MPDZ: variants seen among roughly 807,000 people sequenced by gnomAD.
MPDZ encodes multiple PDZ domain protein.
MPDZ carries 234 observed loss-of-function variants against 239.1 expected under a neutral mutation model. The observed-to-expected ratio is 0.98, with a 90% CI of 0.88 to 1.09. The LOEUF (loss-of-function observed/expected upper bound fraction) is 1.09. MPDZ is among the 50% of genes least tolerant of loss of function. MPDZ has a pLI of 0.00. For synonymous variants in MPDZ, 1,048 were observed against 881.3 expected, an observed-to-expected ratio of 1.19 and a Z score of -3.35; for missense variants, 3,175 against 2,510.0, an observed-to-expected ratio of 1.26 and a Z score of -5.66.
intron 27 of MPDZ, 37 bp downstream of exon 27, chr9:13,143,429 A>G (rs1947989123): frequency 6.7e-7 from 1 of 1,491,580 alleles, no homozygotes; most frequent in African/African-American, 1.4e-5. Context: ...ACATTTGCAA[A>G]AGGCAACCAA....
chr9:13,153,806 AAAAAT>A (rs1349970219), intron 24 of MPDZ, among the ~76,000 whole-genome samples: 1 of 152,126 alleles, frequency 6.6e-6, no homozygotes, highest in African/African-American at 2.4e-5. Flanking sequence ...CTTAAGAATA[AAAAAT>A]AAAATAAAAT....
At chr9:13,179,553 C>A (rs943220969) in intron 19 of MPDZ, among the ~76,000 whole-genome samples, 3 of 151,994 alleles carry the variant, frequency 2.0e-5, no homozygotes, top group Non-Finnish European at 4.4e-5. Context: ...GCTCAACAAC[C>A]AACTCAGTTT....
intron 34 of MPDZ, among the ~76,000 whole-genome samples, chr9:13,125,689 T>C (rs1945006757): frequency 6.6e-6 from 1 of 152,208 alleles, no homozygotes; most frequent in Non-Finnish European, 1.5e-5. Context: ...CTCATCCGTT[T>C]TTCTGAATGC....
chr9:13,205,257 T>G, intron 11 of MPDZ, 150 bp from the exon 12 acceptor site: 1 of 451,104 alleles, frequency 2.2e-6, no homozygotes, highest in Non-Finnish European at 3.8e-6. Context: ...TAAAGGCAAG[T>G]TCTGTTAGTG....
At chr9:13,175,728 A>T (rs748915150) in intron 21 of MPDZ, 24 bp downstream of exon 21, 6 of 1,559,208 alleles carry the variant, frequency 3.8e-6, no homozygotes, top group Non-Finnish European at 5.2e-6. Context: ...AGGAGTAGGT[A>T]TATGAGGAAA....
In MPDZ at chr9:13,221,366, G is replaced by A. The variant is rs1351177796; in HGVS notation, c.876+6C>T. On this transcript the variant is annotated splice_donor_region_variant and intron_variant, in intron 7 of 46. Transcript: ENST00000319217. Reference sequence around the variant, plus strand: ...ATAGCATAAAAGATCTATTGATGTAGCCTACCTGATCAGCTACTCCTCCAG... The same window carrying A: ...ATAGCATAAAAGATCTATTGATGTAACCTACCTGATCAGCTACTCCTCCAG... The A allele has an allele frequency of 6.2e-7, 1 of 1,604,022 alleles. No homozygotes were observed.
chr9:13,240,380 T>C (rs1965090352), intron 3 of MPDZ, among the ~76,000 whole-genome samples: 1 of 151,754 alleles, frequency 6.6e-6, no homozygotes. Context: ...AAGTACTGGT[T>C]TACGTTAAAA....
At chr9:13,187,778 C>T (rs1222896843) in intron 17 of MPDZ, among the ~76,000 whole-genome samples, 1 of 152,192 alleles carries the variant, frequency 6.6e-6, no homozygotes, top group African/African-American at 2.4e-5. Flanking sequence ...AAACTATATT[C>T]ACGTACTGGA....
intron 1 of MPDZ, among the ~76,000 whole-genome samples, chr9:13,276,421 A>C (rs780065321): frequency 6.8e-4 from 103 of 152,208 alleles, no homozygotes; most frequent in Non-Finnish European, 9.6e-4. Context: ...TATGCATGAC[A>C]CTAATTTACA....
rs116344553 is a variant in MPDZ at position 13,233,787 on chromosome 9, C to T, written c.184-9204G>A. Among the ~76,000 whole-genome samples, 629 of 152,202 alleles carry T rather than the reference C, an allele frequency of 4.1e-3. 4 individuals are homozygous for T. The highest frequency in any genetic ancestry group is 0.015 in the African/African-American group (610 of 41,548). The stretch of plus-strand genomic sequence containing the variant: ...TACATAAAGCTACACCTTGTCTATC[C>T]GCAACTATGAATTTAAAGTTCATTC... On this transcript the variant is annotated intron_variant, in intron 3 of 46. Transcript: ENST00000319217.
chr9:13,264,774 A>G (rs1971448420), intron 1 of MPDZ, among the ~76,000 whole-genome samples: 1 of 152,046 alleles, frequency 6.6e-6, no homozygotes, highest in African/African-American at 2.4e-5. Flanking sequence ...ATGTATCTCT[A>G]TTGGACAGGG....
At chr9:13,245,422 A>G (rs1284618384) in intron 3 of MPDZ, among the ~76,000 whole-genome samples, 1 of 151,492 alleles carries the variant, frequency 6.6e-6, no homozygotes, top group Non-Finnish European at 1.5e-5. Flanking sequence ...AAAAAAAAAA[A>G]AAAAGAAGAA....
chr9:13,273,646 G>A (rs2139395923), intron 1 of MPDZ, among the ~76,000 whole-genome samples: 1 of 152,186 alleles, frequency 6.6e-6, no homozygotes, highest in South Asian at 2.1e-4. Context: ...TATCATGTGA[G>A]CCACATATGT....
chr9:13,260,142 T>G (rs965196789), intron 1 of MPDZ, among the ~76,000 whole-genome samples: 2 of 151,876 alleles, frequency 1.3e-5, no homozygotes, highest in South Asian at 4.2e-4. Flanking sequence ...CACCCAGCCA[T>G]TAAAGAGTTT....
In MPDZ at chr9:13,223,727, G is replaced by GCAGCC; in HGVS notation, c.394-18_394-17insGGCTG. 6.4e-7 allele frequency: 1 copy of GCAGCC among 1,570,236 alleles called. No homozygotes were observed. The highest frequency in any genetic ancestry group is 8.6e-7 in the Non-Finnish European group (1 of 1,157,634). ...ATGGCGACCCTGTTTAGGAAACAAA[G>GCAGCC]CAAGAAATAAAACTAAAAGCCAGGC... On this transcript the variant is annotated splice_polypyrimidine_tract_variant and intron_variant, in intron 4 of 46. Coordinates refer to ENST00000319217, the MANE Select transcript of MPDZ (RefSeq NM_001378778.1).
chr9:13,176,150 C>A lies in MPDZ; in HGVS notation c.2917G>T (p.Asp973Tyr). The change falls in exon 20 of 47, where the codon GAT becomes TAT. Residue 973 changes from aspartate to tyrosine, a missense_variant. Transcript: ENST00000319217. ...SSAELPSVLP[D>Y]SAGKGSEYLL... ...TAAAATATTACCTTTCCAGCTGAAT[C>A]GGGTAGCACAGAAGGAAGTTCTGCA... 6.3e-7 allele frequency: 1 copy of A among 1,594,590 alleles called. No individual in the cohort carries two copies. Among genetic ancestry groups the A allele is most frequent in the Admixed American group, 1.7e-5 (1 of 57,626 alleles).
At chr9:13,205,182 T>C (rs571239504) in intron 11 of MPDZ, 75 bp from the exon 12 acceptor site, 6 of 784,908 alleles carry the variant, frequency 7.6e-6, no homozygotes, top group African/African-American at 7.3e-5. Context: ...ACCCAGTATA[T>C]TTATTTGAAC....
At chr9:13,221,563 A>G (rs936512832) in intron 6 of MPDZ, 63 bp from the exon 7 acceptor site, 37 of 1,541,156 alleles carry the variant, frequency 2.4e-5, no homozygotes, top group Non-Finnish European at 3.1e-5. Flanking sequence ...TTTACATTAC[A>G]GTAGAAATTT....
At chr9:13,278,310 T>C (rs947097236) in intron 1 of MPDZ, among the ~76,000 whole-genome samples, 1 of 152,122 alleles carries the variant, frequency 6.6e-6, no homozygotes, top group African/African-American at 2.4e-5. Context: ...TCAGTGCCCA[T>C]TGCCGGGGTC....
Sources: allele counts gnomAD v4.1 joint callset (sites outside exome capture counted in the v4.1 genomes callset), GRCh38; gene constraint gnomAD v4.1.1; transcripts MANE v1.5; gene names NCBI Gene and HGNC (gene_info 2026-07-23, HGNC 2026-07-21).